NAV2: variants seen among roughly 807,000 people sequenced by gnomAD.
NAV2 encodes helicase, APC down-regulated 1.
In NAV2, 54 loss-of-function variants were observed where a neutral mutation model predicts 223.2. The ratio of observed to expected loss-of-function variants is 0.24; its 90% CI spans 0.19 to 0.30. The LOEUF is 0.30. Ranked by LOEUF, NAV2 falls within the 10% of genes least tolerant of loss-of-function variation. The pLI is 1.00. For missense variants in NAV2, 2,806 were observed against 3,147.5 expected (o/e 0.89, Z 2.60); for synonymous variants, 1,279 against 1,239.3 (o/e 1.03, Z -0.67).
chr11:19,709,611 G>T (rs2049800628), upstream of NAV2, among the ~76,000 whole-genome samples: 1 of 150,088 alleles, frequency 6.7e-6, no homozygotes, highest in Non-Finnish European at 1.5e-5. Flanking sequence ...AAGGCAGGTG[G>T]ATCACTTGAG....
intron 1 of NAV2, among the ~76,000 whole-genome samples, chr11:19,468,498 T>C (rs1852450312): frequency 1.3e-5 from 2 of 152,168 alleles, no homozygotes; most frequent in African/African-American, 4.8e-5. Flanking sequence ...TGTCTCTGTG[T>C]CTTCTTGTGG....
At chr11:20,015,942 ACGG>A in intron 11 of NAV2, among the ~76,000 whole-genome samples, 1 of 152,198 alleles carries the variant, frequency 6.6e-6, no homozygotes, top group African/African-American at 2.4e-5. Context: ...ATGCCGTGTC[ACGG>A]AAATCAAACA....
At chr11:19,532,300 A>G (rs990480283) in intron 1 of NAV2, among the ~76,000 whole-genome samples, 1 of 152,192 alleles carries the variant, frequency 6.6e-6, no homozygotes, top group Non-Finnish European at 1.5e-5. Context: ...ATTGCCCAGA[A>G]AGGCCAAGCT....
chr11:20,050,588 A>C (rs1199157874), intron 16 of NAV2, among the ~76,000 whole-genome samples: 2 of 151,940 alleles, frequency 1.3e-5, no homozygotes, highest in Non-Finnish European at 2.9e-5. Context: ...AAAAAAAAAA[A>C]AAACCTTCAC....
At chr11:19,637,599 G>C (rs1023037574) in intron 1 of NAV2, among the ~76,000 whole-genome samples, 1 of 152,218 alleles carries the variant, frequency 6.6e-6, no homozygotes. Flanking sequence ...TCTGCTTCTG[G>C]GGAGGCCTCA....
chr11:20,073,666 G>T (rs1219378426), intron 22 of NAV2, among the ~76,000 whole-genome samples: 2 of 152,136 alleles, frequency 1.3e-5, no homozygotes, highest in Non-Finnish European at 2.9e-5. Context: ...AGTCTTGGGA[G>T]GGTGTATGTG....
intron 1 of NAV2, among the ~76,000 whole-genome samples, chr11:19,435,649 T>C (rs1406355901): frequency 6.6e-6 from 1 of 152,170 alleles, no homozygotes; most frequent in Non-Finnish European, 1.5e-5. Context: ...AGGACCTCCA[T>C]ACTGTTTTCC....
At chr11:19,771,158 C>T (rs936579554) in intron 1 of NAV2, among the ~76,000 whole-genome samples, 1 of 152,050 alleles carries the variant, frequency 6.6e-6, no homozygotes, top group African/African-American at 2.4e-5. Flanking sequence ...TCTGAGTACA[C>T]AAAGATGAAT....
intron 3 of NAV2, among the ~76,000 whole-genome samples, chr11:19,859,372 T>C (rs1393446584): frequency 6.6e-6 from 1 of 150,390 alleles, no homozygotes; most frequent in African/African-American, 2.4e-5. Flanking sequence ...CAAGCTTCTG[T>C]TTAACAAAGC....
rs147330111 is a variant in NAV2, at chr11:19,376,527, C to T, written c.75+25500C>T. Among the ~76,000 whole-genome samples the T allele has an allele frequency of 6.1e-3, 932 of 152,304 alleles. 3 individuals are homozygous for T. The highest frequency in any genetic ancestry group is 0.021 in the African/African-American group (865 of 41,560). On this transcript the variant is annotated intron_variant, in intron 1 of 37. Coordinates refer to the NAV2 transcript ENST00000360655. ...GAGCCTGGACTCGAACCCAACTTCT[C>T]TTATTTCTGTTTCAAGGTCTTTCTA...
At chr11:19,863,460 C>G (rs764849089) in intron 3 of NAV2, among the ~76,000 whole-genome samples, 1 of 152,190 alleles carries the variant, frequency 6.6e-6, no homozygotes, top group African/African-American at 2.4e-5. Context: ...CTGGCTAACT[C>G]CTTAGGTCTC....
rs192452533 is a variant in NAV2, at chr11:19,886,243, G to A, written c.770+6116G>A. 3.4e-4 allele frequency among the ~76,000 whole-genome samples: 51 copies of A among 152,014 alleles called. 1 individual carries two copies. Among genetic ancestry groups the A allele is most frequent in the Admixed American group, 2.6e-3 (39 of 15,276 alleles). On this transcript the variant is annotated intron_variant, in intron 5 of 37. Coordinates refer to ENST00000349880, the MANE Select transcript of NAV2 (RefSeq NM_145117.5). ...TCCTCCCGCCTTGGCCTCCCAGGGC[G>A]CTGGGATTACAGGTGTGAGCCACTG...
intron 4 of NAV2, among the ~76,000 whole-genome samples, chr11:19,870,103 G>C (rs746938159): frequency 3.2e-4 from 48 of 152,150 alleles, no homozygotes; most frequent in Non-Finnish European, 3.4e-4. Flanking sequence ...CCTGTTCCCA[G>C]TCAGGCACGG....
chr11:19,569,580 T>G (rs931906621), intron 1 of NAV2, among the ~76,000 whole-genome samples: 2 of 152,204 alleles, frequency 1.3e-5, no homozygotes, highest in African/African-American at 4.8e-5. Context: ...TCTCTCTCTC[T>G]CTATTCTCTG....
intron 1 of NAV2, among the ~76,000 whole-genome samples, chr11:19,606,987 C>T (rs2046489746): frequency 6.6e-6 from 1 of 152,176 alleles, no homozygotes; most frequent in Admixed American, 6.5e-5. Flanking sequence ...TGCATTGCTC[C>T]AGCTGGCATG....
chr11:19,414,433 A>G (rs576306469), intron 1 of NAV2, among the ~76,000 whole-genome samples: 105 of 152,372 alleles, frequency 6.9e-4, no homozygotes, highest in African/African-American at 2.4e-3. Flanking sequence ...AGGATCACCC[A>G]GATTTATAAA....
intron 1 of NAV2, among the ~76,000 whole-genome samples, chr11:19,454,318 C>A (rs911265446): frequency 6.6e-6 from 1 of 152,184 alleles, no homozygotes; most frequent in African/African-American, 2.4e-5. Context: ...GGGCCACAGT[C>A]AGCTGCAAAT....
intron 1 of NAV2, among the ~76,000 whole-genome samples, chr11:19,770,169 C>G (rs2055592361): frequency 6.6e-6 from 1 of 152,162 alleles, no homozygotes; most frequent in African/African-American, 2.4e-5. Context: ...AAGTTAGAAG[C>G]CATTGAACTT....
chr11:19,588,153 C>G (rs1483980149), intron 1 of NAV2, among the ~76,000 whole-genome samples: 1 of 152,196 alleles, frequency 6.6e-6, no homozygotes, highest in Non-Finnish European at 1.5e-5. Context: ...AATTCCTGGT[C>G]AACTATTTCG....
Sources: allele counts gnomAD v4.1 joint callset (sites outside exome capture counted in the v4.1 genomes callset), GRCh38; gene constraint gnomAD v4.1.1; transcripts MANE v1.5; gene names NCBI Gene and HGNC (gene_info 2026-07-23, HGNC 2026-07-21).